The following TENM2 variants were observed in gnomAD, a reference collection of about 807,000 sequenced individuals.
TENM2 encodes the protein teneurin transmembrane protein 2.
TENM2 carries 52 observed loss-of-function variants against 245.2 expected under a neutral mutation model. The ratio of observed to expected loss-of-function variants is 0.21; its 90% CI spans 0.17 to 0.27. The LOEUF is 0.27. Among genes scored for constraint, TENM2 ranks in the 10% least tolerant of loss-of-function variants. The pLI is 1.00. For missense variants in TENM2, 3,046 were observed against 3,666.8 expected (o/e 0.83, Z 4.37); for synonymous variants, 1,363 against 1,438.9 (o/e 0.95, Z 1.19).
chr5:166,987,045 C>T, the TENM2 span, among the ~76,000 whole-genome samples: 1 of 152,148 alleles, frequency 6.6e-6, no homozygotes, highest in Non-Finnish European at 1.5e-5. Flanking sequence ...AGCCTGAACT[C>T]TTCTTCCTAC....
At chr5:167,580,267 A>T (rs1407028874) in intron 2 of TENM2, among the ~76,000 whole-genome samples, 1 of 152,272 alleles carries the variant, frequency 6.6e-6, no homozygotes, top group Non-Finnish European at 1.5e-5. Flanking sequence ...GCGAATTATC[A>T]TTCAGAAGAG....
intron 14 of TENM2, among the ~76,000 whole-genome samples, chr5:168,194,955 G>A (rs538480506): frequency 2.0e-5 from 3 of 152,104 alleles, no homozygotes; most frequent in Non-Finnish European, 4.4e-5. Flanking sequence ...AGTGGAAGGC[G>A]GGTGCCCAGG....
chr5:167,656,026 G>A (rs940171271), intron 2 of TENM2, among the ~76,000 whole-genome samples: 2 of 152,146 alleles, frequency 1.3e-5, no homozygotes, highest in African/African-American at 4.8e-5. Context: ...GCCGGGCCTT[G>A]TATATTATAC....
the TENM2 span, among the ~76,000 whole-genome samples, chr5:167,084,766 C>T: frequency 1.3e-5 from 2 of 152,054 alleles, no homozygotes; most frequent in East Asian, 3.9e-4. Context: ...TTTGTTTAGT[C>T]CATTGGCATT....
chr5:168,240,760 G>A (rs1766020818), intron 25 of TENM2: 2 of 152,236 alleles, frequency 1.3e-5, no homozygotes, highest in Non-Finnish European at 1.5e-5. Flanking sequence ...AAAAACTAAG[G>A]ATGGCCAAGG....
intron 2 of TENM2, among the ~76,000 whole-genome samples, chr5:167,848,832 C>G (rs781142200): frequency 2.0e-5 from 3 of 152,172 alleles, no homozygotes; most frequent in Admixed American, 1.3e-4. Context: ...CACTTCTACC[C>G]CTTTCCCAAC....
At chr5:167,452,712 C>A (rs1765655343) in intron 2 of TENM2, among the ~76,000 whole-genome samples, 1 of 151,172 alleles carries the variant, frequency 6.6e-6, no homozygotes, top group African/African-American at 2.4e-5. Flanking sequence ...CTTATTAACA[C>A]ACACCGGGAA....
At chr5:167,253,643 A>C in the TENM2 span, among the ~76,000 whole-genome samples, 1 of 152,164 alleles carries the variant, frequency 6.6e-6, no homozygotes, top group Non-Finnish European at 1.5e-5. Context: ...ATGATGTTTT[A>C]GCATCTATAA....
intron 12 of TENM2, among the ~76,000 whole-genome samples, chr5:168,146,118 G>A (rs963674514): frequency 6.6e-5 from 10 of 151,204 alleles, no homozygotes; most frequent in Admixed American, 2.0e-4. Flanking sequence ...CAATCATGTC[G>A]TCTGCAAACA....
chr5:167,800,233 G>C (rs1244458565), intron 2 of TENM2, among the ~76,000 whole-genome samples: 2 of 152,134 alleles, frequency 1.3e-5, no homozygotes, highest in African/African-American at 2.4e-5. Flanking sequence ...AATTTTCCTG[G>C]TTCCTGTTAG....
intron 1 of TENM2, among the ~76,000 whole-genome samples, chr5:167,371,308 C>A (rs1317758227): frequency 1.3e-5 from 2 of 151,484 alleles, no homozygotes; most frequent in Non-Finnish European, 2.9e-5. Flanking sequence ...TCACCTTGCA[C>A]CACGATGTGA....
chr5:168,045,327 C>A (rs1788521724), intron 5 of TENM2, among the ~76,000 whole-genome samples: 1 of 152,100 alleles, frequency 6.6e-6, no homozygotes, highest in South Asian at 2.1e-4. Context: ...GAAGGGGAGG[C>A]AAGAGGGAAG....
At chr5:168,026,080 T>C (rs35439597) in intron 5 of TENM2, among the ~76,000 whole-genome samples, 5,440 of 152,156 alleles carry the variant, frequency 0.036, 297 homozygotes, top group Admixed American at 0.16. Flanking sequence ...TTTGCTCTTC[T>C]CAAGGTATGA....
chr5:167,750,835 C>G (rs1242321976), intron 2 of TENM2, among the ~76,000 whole-genome samples: 3 of 152,066 alleles, frequency 2.0e-5, no homozygotes, highest in Admixed American at 6.6e-5. Context: ...TAGAAGGTTT[C>G]TGAAAACCTA....
intron 2 of TENM2, among the ~76,000 whole-genome samples, chr5:167,773,731 T>A (rs1763553670): frequency 6.6e-6 from 1 of 152,154 alleles, no homozygotes; most frequent in Admixed American, 6.6e-5. Flanking sequence ...TGAAAGCATT[T>A]TTTTTTTAAA....
intron 2 of TENM2, among the ~76,000 whole-genome samples, chr5:167,855,324 C>A (rs1361186596): frequency 1.3e-5 from 2 of 152,148 alleles, no homozygotes. Flanking sequence ...TGGCACCCAC[C>A]TCTTGACCTC....
the TENM2 span, among the ~76,000 whole-genome samples, chr5:167,241,856 G>GTT: frequency 6.6e-6 from 1 of 152,112 alleles, no homozygotes; most frequent in Non-Finnish European, 1.5e-5. Context: ...GTGTAATAGA[G>GTT]TAACGGTTGA....
intron 2 of TENM2, among the ~76,000 whole-genome samples, chr5:167,478,816 C>T (rs1161155677): frequency 6.6e-6 from 1 of 152,166 alleles, no homozygotes; most frequent in Non-Finnish European, 1.5e-5. Context: ...TTTCTTTGCT[C>T]CAACCTCAAG....
chr5:168,077,602 G>A (rs770518605), intron 7 of TENM2, among the ~76,000 whole-genome samples: 10 of 151,898 alleles, frequency 6.6e-5, no homozygotes, highest in East Asian at 1.9e-4. Flanking sequence ...GACAGGCCCC[G>A]GTATGTGATG....
Sources: allele counts gnomAD v4.1 joint callset (sites outside exome capture counted in the v4.1 genomes callset), GRCh38; gene constraint gnomAD v4.1.1; transcripts MANE v1.5; gene names NCBI Gene and HGNC (gene_info 2026-07-23, HGNC 2026-07-21).